Variants in GCH1 observed in about 807,000 individuals in gnomAD.
GCH1 encodes GTP cyclohydrolase 1.
Under a neutral mutation model 25.9 loss-of-function variants are expected in GCH1, and 5 were observed. The ratio of observed to expected loss-of-function variants is 0.19; its 90% CI spans 0.10 to 0.41. The LOEUF (loss-of-function observed/expected upper bound fraction) is 0.41, where lower values mean the gene tolerates loss of function less well. Ranked by LOEUF, GCH1 falls within the 10% of genes least tolerant of loss-of-function variation. The pLI, the probability that GCH1 is intolerant of heterozygous loss-of-function variation, is 1.00. For synonymous variants in GCH1, 159 were observed against 129.6 expected, an observed-to-expected ratio of 1.23 and a Z score of -1.54; for missense variants, 261 against 336.5, an observed-to-expected ratio of 0.78 and a Z score of 1.75.
Position 54,859,684 on chromosome 14 carries a change from G to T in GCH1, c.506C>A (p.Ala169Glu). The part of the protein sequence containing the change: ...NKQVLGLSKL[A>E]RIVEIYSRRL... ...TTCACTGCACAGTCACACTTACCTC[G>T]CAAGTTTGCTGAGGCCAAGGACTTG... The change falls in exon 3 of 6, where the codon GCG (alanine) becomes GAG (glutamate). Residue 169 changes from alanine (A) to glutamate (E), a missense_variant. Physicochemically the swap from Ala to Glu is moderately radical, Grantham distance 107. This residue lies in a region of GCH1 where 130 missense variants were observed against 184.1 expected (regional missense o/e 0.71). Transcript: ENST00000491895. The T allele has an allele frequency of 1.9e-6, 3 of 1,576,044 alleles. No individual in the cohort carries two copies. Among genetic ancestry groups the T allele is most frequent in the Non-Finnish European group, 2.6e-6 (3 of 1,145,416 alleles).
At chr14:54,844,872 G>A (rs1266018921) in intron 5 of GCH1, among the ~76,000 whole-genome samples, 1 of 152,160 alleles carries the variant, frequency 6.6e-6, no homozygotes, top group Non-Finnish European at 1.5e-5. Flanking sequence ...ATAAAATCAA[G>A]AGAAGACATA....
chr14:54,861,010 A>G (rs921918098), intron 2 of GCH1, among the ~76,000 whole-genome samples: 1 of 152,254 alleles, frequency 6.6e-6, no homozygotes, highest in African/African-American at 2.4e-5. Context: ...GCCAAATACT[A>G]CATACGAAAA....
At position 54,843,301 on chromosome 14, in the gene GCH1, G is replaced by T; in HGVS notation, c.*716C>A. The T allele has an allele frequency of 7.4e-7, 1 of 1,342,290 alleles. No individual in the cohort carries two copies. Among genetic ancestry groups the T allele is most frequent in the Non-Finnish European group, 9.5e-7 (1 of 1,051,794 alleles). The allele number at this position is 1,342,290 out of a possible 1,614,324, so 83.1% of individuals were successfully genotyped here. A position where few individuals can be genotyped will look rare whatever the true frequency, so the allele number is the denominator to read the frequency against. On this transcript the variant is annotated 3_prime_UTR_variant, in exon 6 of 6. Transcript: ENST00000491895. ...CACTCTAAATGATATTCTTATCAAGGCACAGAGAGTTAAATGTCTAAATCC... is the reference window on the plus strand; with the variant it reads ...CACTCTAAATGATATTCTTATCAAGTCACAGAGAGTTAAATGTCTAAATCC...
At chr14:54,895,399 T>C (rs989812869) in intron 1 of GCH1, among the ~76,000 whole-genome samples, 3 of 152,206 alleles carry the variant, frequency 2.0e-5, no homozygotes, top group African/African-American at 7.2e-5. Context: ...TAACTGGAAA[T>C]GTGACAGAGT....
At chr14:54,852,146 G>A (rs1448772397) in intron 3 of GCH1, among the ~76,000 whole-genome samples, 2 of 152,118 alleles carry the variant, frequency 1.3e-5, no homozygotes, top group Non-Finnish European at 2.9e-5. Flanking sequence ...CGGAATCTAT[G>A]ACTTTACTAA....
intron 1 of GCH1, among the ~76,000 whole-genome samples, chr14:54,892,478 C>T (rs544808822): frequency 7.2e-5 from 11 of 152,152 alleles, no homozygotes; most frequent in Admixed American, 4.6e-4. Context: ...CATCTGAGGT[C>T]AGGAGTTCAA....
intron 2 of GCH1, among the ~76,000 whole-genome samples, chr14:54,860,286 C>CTA (rs2039875786): frequency 6.6e-6 from 1 of 152,156 alleles, no homozygotes; most frequent in Admixed American, 6.6e-5. Flanking sequence ...AAAGTTTCTT[C>CTA]TTTATGGAGG....
intron 1 of GCH1, chr14:54,885,960 G>A (rs1242105223): frequency 3.9e-6 from 1 of 255,708 alleles, no homozygotes; most frequent in Non-Finnish European, 7.7e-6. Context: ...GCCCAGACAG[G>A]ACCTGCTGGA....
At chr14:54,888,108 A>T (rs2040376913) in intron 1 of GCH1, among the ~76,000 whole-genome samples, 1 of 152,260 alleles carries the variant, frequency 6.6e-6, no homozygotes, top group African/African-American at 2.4e-5. Context: ...AGCTACAGGT[A>T]GGAAGACCAT....
intron 1 of GCH1, among the ~76,000 whole-genome samples, chr14:54,881,074 C>T (rs2040265274): frequency 6.6e-6 from 1 of 151,656 alleles, no homozygotes; most frequent in Admixed American, 6.6e-5. Flanking sequence ...ATCCGCCCTC[C>T]TCAGCCTCTC....
chr14:54,854,611 G>A (rs1287266186), intron 3 of GCH1, among the ~76,000 whole-genome samples: 3 of 152,020 alleles, frequency 2.0e-5, no homozygotes, highest in Non-Finnish European at 4.4e-5. Flanking sequence ...GACAAATGAC[G>A]AGCTGGGAAG....
At chr14:54,863,159 C>T (rs2039931112) in intron 2 of GCH1, among the ~76,000 whole-genome samples, 1 of 151,986 alleles carries the variant, frequency 6.6e-6, no homozygotes, top group South Asian at 2.1e-4. Flanking sequence ...GTGGCTCACG[C>T]CTGTAATCCC....
chr14:54,877,721 C>G lies in GCH1; in HGVS notation c.344-12285G>C, dbSNP rs534343715. ...TGTTGCCCAGGCTGGTCTCAAATTCCTGAGCTCAAGGGATCTGCCTGTCTT... is the reference window on the plus strand; with the variant it reads ...TGTTGCCCAGGCTGGTCTCAAATTCGTGAGCTCAAGGGATCTGCCTGTCTT... On this transcript the variant is annotated intron_variant, in intron 1 of 5. Coordinates refer to ENST00000491895, the MANE Select transcript of GCH1 (RefSeq NM_000161.3). Among the ~76,000 whole-genome samples the G allele has an allele frequency of 2.6e-5, 4 of 152,214 alleles. No individual in the cohort carries two copies. In the East Asian group the frequency reaches 7.7e-4, roughly 29 times the overall value.
intron 5 of GCH1, among the ~76,000 whole-genome samples, chr14:54,845,456 C>T (rs1355441745): frequency 4.0e-5 from 6 of 150,084 alleles, no homozygotes; most frequent in Admixed American, 1.3e-4. Context: ...CCAGCCTGGG[C>T]GACAGAGTGA....
chr14:54,872,162 T>A (rs56360497), intron 1 of GCH1, among the ~76,000 whole-genome samples: 4 of 152,318 alleles, frequency 2.6e-5, no homozygotes, highest in Non-Finnish European at 5.9e-5. Context: ...GCAGAAACTC[T>A]ACAAGCCAGA....
At chr14:54,852,829 C>G (rs1252483845) in intron 3 of GCH1, among the ~76,000 whole-genome samples, 1 of 152,186 alleles carries the variant, frequency 6.6e-6, no homozygotes, top group Non-Finnish European at 1.5e-5. Flanking sequence ...TCGTGTTTGT[C>G]TGACTCGACT....
In GCH1 at chr14:54,843,540, G is replaced by T; in HGVS notation, c.*477C>A. The stretch of plus-strand genomic sequence containing the variant: ...TGGTGGTTTAATAAACATGACCAAA[G>T]TGAAGTCTGTTGAACTTGAATTCAC... On this transcript the variant is annotated 3_prime_UTR_variant, in exon 6 of 6. Transcript: ENST00000491895. 7.4e-7 allele frequency: 1 copy of T among 1,347,878 alleles called. No homozygotes were observed. Among genetic ancestry groups the T allele is most frequent in the East Asian group, 3.0e-5 (1 of 33,308 alleles). 83.5% of individuals were successfully genotyped at this position (1,347,878 alleles called of 1,614,324 possible).
intron 2 of GCH1, among the ~76,000 whole-genome samples, chr14:54,860,626 C>T (rs551822441): frequency 1.3e-4 from 19 of 151,658 alleles, no homozygotes; most frequent in Non-Finnish European, 5.9e-5. Flanking sequence ...CTGCAAGCTC[C>T]GCCTCCAAGG....
intron 2 of GCH1, among the ~76,000 whole-genome samples, chr14:54,863,583 T>C (rs1300341499): frequency 7.7e-6 from 1 of 130,648 alleles, no homozygotes; most frequent in Non-Finnish European, 1.6e-5. Flanking sequence ...ATTTGTACAA[T>C]GGAATAAGAT....
Sources: allele counts gnomAD v4.1 joint callset (sites outside exome capture counted in the v4.1 genomes callset), GRCh38; gene constraint gnomAD v4.1.1; regional missense constraint gnomAD v4.1.1; transcripts MANE v1.5; gene names NCBI Gene and HGNC (gene_info 2026-07-23, HGNC 2026-07-21).